Variants in COPS4 observed in about 807,000 individuals in gnomAD.
COPS4 encodes COP9 signalosome subunit 4.
A neutral mutation model predicts 55.1 loss-of-function variants in COPS4; 8 were observed. The ratio of observed to expected loss-of-function variants is 0.15; its 90% CI spans 0.09 to 0.26. The LOEUF is 0.26. Among genes scored for constraint, COPS4 ranks in the 10% least tolerant of loss-of-function variants. The pLI is 1.00. For synonymous variants in COPS4, 185 were observed against 165.7 expected, an observed-to-expected ratio of 1.12 and a Z score of -0.90; for missense variants, 248 against 484.0, an observed-to-expected ratio of 0.51 and a Z score of 4.58.
intron 6 of COPS4, among the ~76,000 whole-genome samples, chr4:83,058,273 A>G (rs1214583684): frequency 6.6e-6 from 1 of 152,210 alleles, no homozygotes; most frequent in Non-Finnish European, 1.5e-5. Context: ...GCTGGAGTGC[A>G]GTGGCGCAGT....
intron 9 of COPS4, among the ~76,000 whole-genome samples, chr4:83,069,653 G>GA (rs541842303): frequency 6.6e-6 from 1 of 152,040 alleles, no homozygotes; most frequent in Non-Finnish European, 1.5e-5. Context: ...TTTCAAAGGG[G>GA]AAAAAAGCCA....
intron 6 of COPS4, among the ~76,000 whole-genome samples, chr4:83,058,814 G>A (rs1178473810): frequency 2.0e-5 from 3 of 152,108 alleles, no homozygotes; most frequent in Non-Finnish European, 4.4e-5. Flanking sequence ...TTATGCACAT[G>A]TATGAGTATA....
intron 2 of COPS4, among the ~76,000 whole-genome samples, chr4:83,047,443 T>TG (rs72610911): frequency 1.2e-3 from 2 of 1,622 alleles, no homozygotes; most frequent in Non-Finnish European, 6.8e-3. Context: ...TAGTCCCAGC[T>TG]ATTGGGACGC....
intron 4 of COPS4, 58 bp from the exon 5 acceptor site, chr4:83,056,868 T>G (rs1731028123): frequency 7.3e-7 from 1 of 1,362,936 alleles, no homozygotes; most frequent in African/African-American, 1.5e-5. Context: ...CTTCTATTAT[T>G]CCTAAAATTT....
At chr4:83,051,097 C>G (rs1394774611) in intron 4 of COPS4, among the ~76,000 whole-genome samples, 1 of 131,370 alleles carries the variant, frequency 7.6e-6, no homozygotes, top group Admixed American at 7.3e-5. Flanking sequence ...CCCATCTCCA[C>G]CAAAAAAAAA....
chr4:83,051,443 C>T (rs1466722846), intron 4 of COPS4, among the ~76,000 whole-genome samples: 2 of 152,098 alleles, frequency 1.3e-5, no homozygotes, highest in Non-Finnish European at 2.9e-5. Flanking sequence ...AAGGCTTATA[C>T]AGTACCACAG....
chr4:83,043,657 G>C (rs577573095), intron 1 of COPS4, among the ~76,000 whole-genome samples: 9 of 147,626 alleles, frequency 6.1e-5, no homozygotes, highest in Non-Finnish European at 1.3e-4. Context: ...GGATATAAAA[G>C]TAAGAGATCT....
intron 3 of COPS4, 110 bp downstream of exon 3, chr4:83,049,427 A>G: frequency 3.0e-6 from 3 of 1,002,828 alleles, no homozygotes; most frequent in Middle Eastern, 4.6e-4. Flanking sequence ...ATTTTTGACA[A>G]AACAGTGTGC....
chr4:83,060,186 C>CTTTTTTT (rs70943198), intron 6 of COPS4, among the ~76,000 whole-genome samples: 1 of 139,904 alleles, frequency 7.1e-6, no homozygotes, highest in Non-Finnish European at 1.6e-5. Context: ...TGGTATAGTT[C>CTTTTTTT]TTTTTTTTTT....
rs1327127994 is a variant in COPS4, at chr4:83,049,915, A to G, written c.341A>G (p.Tyr114Cys). ...ASIRQHLASI[Y>C]EKEEDWRNAA... ...ATAAGACAGCATCTTGCATCTATATATGAGAAAGAAGAAGATTGGAGAAAT... is the reference window on the plus strand; with the variant it reads ...ATAAGACAGCATCTTGCATCTATATGTGAGAAAGAAGAAGATTGGAGAAAT... The change falls in exon 4 of 10, where the codon TAT becomes TGT. Residue 114 changes from tyrosine (Y) to cysteine (C), a missense_variant. Tyr to Cys is a radical substitution (Grantham distance 194). Around this residue, in one of 4 missense-constraint regions of COPS4, gnomAD observed 155 missense variants for 326.6 expected, o/e 0.47. Coordinates refer to ENST00000264389, the MANE Select transcript of COPS4 (RefSeq NM_016129.3). 1 of 1,611,452 alleles carries G rather than the reference A, an allele frequency of 6.2e-7. No homozygotes were observed. The highest frequency in any genetic ancestry group is 8.5e-7 in the Non-Finnish European group (1 of 1,178,982).
intron 6 of COPS4, among the ~76,000 whole-genome samples, chr4:83,058,582 C>G (rs1731073410): frequency 1.3e-5 from 2 of 152,316 alleles, no homozygotes; most frequent in South Asian, 4.1e-4. Context: ...AAACGCAGTA[C>G]ATGAACATGG....
chr4:83,041,975 G>A (rs191934735), intron 1 of COPS4, among the ~76,000 whole-genome samples: 2 of 150,018 alleles, frequency 1.3e-5, no homozygotes, highest in South Asian at 2.1e-4. Context: ...AGTGATTCTC[G>A]TGCCTCAGCC....
intron 1 of COPS4, among the ~76,000 whole-genome samples, chr4:83,037,228 G>C (rs75503743): frequency 0.016 from 2,494 of 152,320 alleles, 31 homozygotes; most frequent in East Asian, 0.046. Context: ...GAAGTCGCAA[G>C]ACCTCTTAAG....
chr4:83,037,479 G>C (rs1730454601), intron 1 of COPS4, among the ~76,000 whole-genome samples: 1 of 152,222 alleles, frequency 6.6e-6, no homozygotes, highest in Non-Finnish European at 1.5e-5. Context: ...CTGATAGCCA[G>C]TGCAGTCTTA....
At chr4:83,064,042 A>AT (rs1349247112) in intron 7 of COPS4, among the ~76,000 whole-genome samples, 6 of 152,176 alleles carry the variant, frequency 3.9e-5, no homozygotes, top group African/African-American at 1.4e-4. Flanking sequence ...CTACTTAAAA[A>AT]ATATATATTA....
chr4:83,073,970 G>A (rs1208885222), intron 9 of COPS4, among the ~76,000 whole-genome samples: 1 of 136,462 alleles, frequency 7.3e-6, no homozygotes, highest in African/African-American at 2.7e-5. Flanking sequence ...AAAAAAAAAA[G>A]ATTTTATAGG....
intron 4 of COPS4, 73 bp from the exon 5 acceptor site, chr4:83,056,853 C>T: frequency 8.0e-7 from 1 of 1,248,986 alleles, no homozygotes; most frequent in South Asian, 1.4e-5. Context: ...GAAAAAACAA[C>T]ATATCTTCTA....
At chr4:83,054,144 C>T (rs561138660) in intron 4 of COPS4, among the ~76,000 whole-genome samples, 32 of 152,214 alleles carry the variant, frequency 2.1e-4, no homozygotes, top group African/African-American at 7.7e-4. Context: ...AGATCAAGAC[C>T]ATCCTGGCTA....
chr4:83,063,100 C>T lies in COPS4; in HGVS notation c.740C>T (p.Ala247Val), dbSNP rs767664893. 1 of 1,569,372 alleles carries T rather than the reference C, an allele frequency of 6.4e-7. No homozygotes were observed. The change falls in exon 7 of 10, where the codon GCT (alanine) becomes GTT (valine). Residue 247 changes from alanine (A) to valine (V), a missense_variant. Around this residue, in one of 4 missense-constraint regions of COPS4, gnomAD observed 155 missense variants for 326.6 expected, o/e 0.47. Transcript: ENST00000264389. ...SAGQQRSRML[A>V]TLFKDERCQQ... Reference sequence around the variant, plus strand: ...GGGCAGCAGCGTTCTCGGATGCTAGCTACTCTTTTTAAGGATGAAAGGTGC... The same window carrying T: ...GGGCAGCAGCGTTCTCGGATGCTAGTTACTCTTTTTAAGGATGAAAGGTGC...
Sources: gnomAD v4.1 joint callset for allele counts (sites outside exome capture counted in the v4.1 genomes callset) on GRCh38, gnomAD v4.1.1 for gene constraint, gnomAD v4.1.1 regional missense constraint, MANE v1.5 for transcripts, NCBI Gene and HGNC (gene_info 2026-07-23, HGNC 2026-07-21) for gene names.